The following AGK variants were observed in gnomAD, a reference collection of about 807,000 sequenced individuals.
The protein encoded by AGK is acylglycerol kinase.
In AGK, 52 loss-of-function variants were observed where a neutral mutation model predicts 66.4. The observed-to-expected ratio is 0.78, with a 90% confidence interval of 0.63 to 0.99. The LOEUF (loss-of-function observed/expected upper bound fraction) is 0.99, where lower values mean the gene tolerates loss of function less well. Among genes scored for constraint, AGK ranks in the 50% least tolerant of loss-of-function variants. The pLI is 0.00. For missense variants in AGK, 451 were observed against 506.6 expected, an observed-to-expected ratio of 0.89 and a Z score of 1.05; for synonymous variants, 182 against 181.1, an observed-to-expected ratio of 1.00 and a Z score of -0.04.
chr7:141,615,673 A>C, intron 8 of AGK, 108 bp downstream of exon 8: 1 of 880,848 alleles, frequency 1.1e-6, no homozygotes, highest in South Asian at 1.5e-5. Context: ...TGAAACTTCA[A>C]ATAATTAAGA....
At chr7:141,649,382 T>C (rs1216289732) in intron 14 of AGK, 49 bp downstream of exon 14, 2 of 1,406,794 alleles carry the variant, frequency 1.4e-6, no homozygotes, top group East Asian at 2.3e-5. Context: ...TTTTCTCAGA[T>C]TTTACTATTC....
At chr7:141,630,811 G>A (rs181650140) in intron 9 of AGK, among the ~76,000 whole-genome samples, 1 of 152,180 alleles carries the variant, frequency 6.6e-6, no homozygotes, top group African/African-American at 2.4e-5. Flanking sequence ...AGCAACAGAG[G>A]GGGTTGGGTA....
chr7:141,603,726 A>G (rs1796389930), intron 5 of AGK, among the ~76,000 whole-genome samples: 1 of 152,078 alleles, frequency 6.6e-6, no homozygotes, highest in African/African-American at 2.4e-5. Flanking sequence ...TGGCTGAGGA[A>G]GGGTGGTCTT....
At chr7:141,589,145 C>G (rs1427382570) in intron 2 of AGK, among the ~76,000 whole-genome samples, 1 of 152,158 alleles carries the variant, frequency 6.6e-6, no homozygotes, top group Non-Finnish European at 1.5e-5. Flanking sequence ...GTTCAAATGC[C>G]TCTGACACTT....
At chr7:141,569,654 A>C (rs1264056324) in intron 2 of AGK, among the ~76,000 whole-genome samples, 1 of 152,262 alleles carries the variant, frequency 6.6e-6, no homozygotes, top group Non-Finnish European at 1.5e-5. Flanking sequence ...TAACTCTATG[A>C]GATGGTTATT....
At chr7:141,553,697 A>T (rs1478427465) in intron 1 of AGK, among the ~76,000 whole-genome samples, 1 of 152,176 alleles carries the variant, frequency 6.6e-6, no homozygotes, top group Non-Finnish European at 1.5e-5. Context: ...TTCAAGAATT[A>T]GTTGGGCCTT....
chr7:141,564,456 C>T (rs906838976), intron 2 of AGK, among the ~76,000 whole-genome samples: 3 of 149,796 alleles, frequency 2.0e-5, no homozygotes, highest in Non-Finnish European at 3.0e-5. Context: ...AAAAAACCAT[C>T]AGATCTTGTG....
intron 4 of AGK, among the ~76,000 whole-genome samples, chr7:141,597,588 A>G (rs906456815): frequency 1.6e-4 from 25 of 152,202 alleles, no homozygotes; most frequent in Non-Finnish European, 2.8e-4. Context: ...GAAAATTAGC[A>G]GTTTGGGTGC....
At chr7:141,604,574 C>T (rs938839836) in intron 5 of AGK, among the ~76,000 whole-genome samples, 1 of 149,254 alleles carries the variant, frequency 6.7e-6, no homozygotes, top group Admixed American at 6.7e-5. Flanking sequence ...GTACTATTAT[C>T]TTGTAGAATT....
At chr7:141,580,511 C>T (rs751115166) in intron 2 of AGK, among the ~76,000 whole-genome samples, 4 of 151,632 alleles carry the variant, frequency 2.6e-5, no homozygotes, top group Non-Finnish European at 2.9e-5. Context: ...AAGTCCGGAC[C>T]GGGAACAATG....
chr7:141,633,619 T>G (rs867338052), intron 9 of AGK, among the ~76,000 whole-genome samples: 1 of 152,144 alleles, frequency 6.6e-6, no homozygotes, highest in Admixed American at 6.5e-5. Context: ...AGAGGTAACA[T>G]AGTTAGGTAC....
intron 9 of AGK, among the ~76,000 whole-genome samples, chr7:141,623,058 A>G (rs1309856078): frequency 6.6e-6 from 1 of 152,180 alleles, no homozygotes; most frequent in South Asian, 2.1e-4. Flanking sequence ...AGGAACTTAA[A>G]TGTGCTACTA....
At chr7:141,572,809 G>A (rs563102636) in intron 2 of AGK, among the ~76,000 whole-genome samples, 4 of 152,114 alleles carry the variant, frequency 2.6e-5, no homozygotes, top group South Asian at 2.1e-4. Flanking sequence ...GCTATGGGGG[G>A]GGGAAATGTG....
At chr7:141,626,298 C>T (rs1350887063) in intron 9 of AGK, among the ~76,000 whole-genome samples, 3 of 152,152 alleles carry the variant, frequency 2.0e-5, no homozygotes. Flanking sequence ...AGTGATATTT[C>T]AGGATTGCCA....
At chr7:141,588,474 G>T (rs1562965972) in intron 2 of AGK, among the ~76,000 whole-genome samples, 1 of 152,112 alleles carries the variant, frequency 6.6e-6, no homozygotes, top group Non-Finnish European at 1.5e-5. Context: ...AAATTAGCTG[G>T]GTGTGGTGGT....
In AGK at chr7:141,637,018, G is replaced by A. The variant is rs1436992553; in HGVS notation, c.726+1G>A. On this transcript the variant is annotated splice_donor_variant, in intron 11 of 15. Transcript: ENST00000649286. LOFTEE classifies it high-confidence loss of function. ...AGCCCACTTTTTCAGCACTCTTAAG[G>A]TAAATGTGATTTACAGTGTAGAAAT... 3 of 1,611,432 alleles carry A rather than the reference G, an allele frequency of 1.9e-6. No homozygotes were observed. Among genetic ancestry groups the A allele is most frequent in the Non-Finnish European group, 2.5e-6 (3 of 1,178,410 alleles).
chr7:141,596,781 T>A lies in AGK; in HGVS notation c.221+140T>A, dbSNP rs920082601. ...TTCTAGCAATAAGATTCATTTGTAA[T>A]GTAGAAATAACAGTTAAATGAGAAA... is the stretch of plus-strand genomic sequence containing the variant. On this transcript the variant is annotated intron_variant, in intron 4 of 15. Transcript: ENST00000649286. The A allele has an allele frequency of 8.8e-5, 60 of 683,870 alleles. No homozygotes were observed. The African/African-American group carries it at 1.0e-3, about 11-fold the overall frequency. The allele number at this position is 683,870 out of a possible 1,614,324, so 42.4% of individuals were successfully genotyped here.
At chr7:141,596,753 C>CCTG in intron 4 of AGK, 112 bp downstream of exon 4, 1 of 847,056 alleles carries the variant, frequency 1.2e-6, no homozygotes, top group Admixed American at 2.2e-5. Context: ...AGGTTTAGTA[C>CCTG]TCTTCTAGCA....
At chr7:141,651,465 G>A in intron 14 of AGK, 60 bp from the exon 15 acceptor site, 2 of 1,439,642 alleles carry the variant, frequency 1.4e-6, no homozygotes, top group Non-Finnish European at 2.0e-6. Context: ...TTGCTACATT[G>A]TTGCAACCTA....
Sources: gnomAD v4.1 joint callset for allele counts (sites outside exome capture counted in the v4.1 genomes callset) on GRCh38, gnomAD v4.1.1 for gene constraint, MANE v1.5 for transcripts, NCBI Gene and HGNC (gene_info 2026-07-23, HGNC 2026-07-21) for gene names.